The following SCLT1 variants were observed in gnomAD, a reference collection of about 807,000 sequenced individuals.
SCLT1 encodes sodium channel and clathrin linker 1.
A neutral mutation model predicts 112.8 loss-of-function variants in SCLT1; 78 were observed. The ratio of observed to expected loss-of-function variants is 0.69; its 90% CI spans 0.58 to 0.83. The LOEUF is 0.83. SCLT1 is among the 40% of genes least tolerant of loss of function. The pLI is 0.00. For synonymous variants in SCLT1, 257 were observed against 254.7 expected (o/e 1.01, Z -0.09); for missense variants, 747 against 770.4 (o/e 0.97, Z 0.36).
At chr4:128,913,265 A>G (rs181457807) in intron 18 of SCLT1, among the ~76,000 whole-genome samples, 13 of 152,354 alleles carry the variant, frequency 8.5e-5, no homozygotes, top group Non-Finnish European at 1.6e-4. Context: ...ACAAATGAAG[A>G]GTTTGTTCTT....
chr4:129,084,830 TG>T (rs1205106251), intron 1 of SCLT1, among the ~76,000 whole-genome samples: 1 of 152,202 alleles, frequency 6.6e-6, no homozygotes, highest in African/African-American at 2.4e-5. Context: ...GAAAAAAGAC[TG>T]AAACTGGACT....
intron 18 of SCLT1, among the ~76,000 whole-genome samples, chr4:128,909,109 CTT>C (rs1461691037): frequency 2.6e-5 from 4 of 152,230 alleles, no homozygotes; most frequent in African/African-American, 7.2e-5. Flanking sequence ...TAGCTGTTCT[CTT>C]TGCTTAAAAT....
downstream of SCLT1, among the ~76,000 whole-genome samples, chr4:128,882,917 C>A (rs185867036): frequency 6.6e-6 from 1 of 151,974 alleles, no homozygotes; most frequent in South Asian, 2.1e-4. Context: ...GAGGCCGAGG[C>A]GGGCAGATCA....
intron 18 of SCLT1, among the ~76,000 whole-genome samples, chr4:128,895,707 C>T (rs948127732): frequency 6.6e-5 from 10 of 152,250 alleles, no homozygotes; most frequent in South Asian, 2.1e-4. Context: ...GTGGGTGCAG[C>T]GCACCTAGCA....
Position 128,945,306 on chromosome 4 carries a change from T to C in SCLT1, c.1439+701A>G, listed in dbSNP as rs139569066. 1.7e-3 allele frequency among the ~76,000 whole-genome samples: 264 copies of C among 152,264 alleles called. 3 individuals carry two copies. The highest frequency in any genetic ancestry group is 0.016 in the East Asian group (84 of 5,182). On this transcript the variant is annotated intron_variant, in intron 16 of 20. Transcript: ENST00000281142. Reference sequence around the variant, plus strand: ...CCTTCATGTGTGATACGTCTCTTAGTACATACAAGATTTATGCTGGAATAA... The same window carrying C: ...CCTTCATGTGTGATACGTCTCTTAGCACATACAAGATTTATGCTGGAATAA...
intron 6 of SCLT1, among the ~76,000 whole-genome samples, chr4:129,001,005 T>C (rs1175192673): frequency 6.6e-6 from 1 of 151,936 alleles, no homozygotes; most frequent in Non-Finnish European, 1.5e-5. Context: ...GTTTTAAAAT[T>C]TGTAGATAAA....
At chr4:128,970,126 G>T (rs745388136) in intron 10 of SCLT1, among the ~76,000 whole-genome samples, 1 of 152,072 alleles carries the variant, frequency 6.6e-6, no homozygotes, top group East Asian at 1.9e-4. Context: ...ATCAATTTGC[G>T]TTTCAGTAAT....
intron 5 of SCLT1, among the ~76,000 whole-genome samples, chr4:129,030,350 C>G (rs1457575398): frequency 3.9e-5 from 6 of 152,024 alleles, no homozygotes; most frequent in African/African-American, 1.2e-4. Context: ...ATGCCCACAT[C>G]AGAAAGTGGG....
intron 18 of SCLT1, among the ~76,000 whole-genome samples, chr4:128,935,983 C>A (rs1265345063): frequency 6.6e-6 from 1 of 152,100 alleles, no homozygotes; most frequent in Non-Finnish European, 1.5e-5. Flanking sequence ...ATACTTAACA[C>A]CCCAAAGCAA....
chr4:128,923,891 T>G (rs1364716365), intron 18 of SCLT1, among the ~76,000 whole-genome samples: 1 of 151,930 alleles, frequency 6.6e-6, no homozygotes, highest in Non-Finnish European at 1.5e-5. Flanking sequence ...GGTTCACAGC[T>G]GCAAACTCCC....
At chr4:129,088,390 T>C (rs1752573264) in intron 1 of SCLT1, among the ~76,000 whole-genome samples, 1 of 152,136 alleles carries the variant, frequency 6.6e-6, no homozygotes, top group Admixed American at 6.5e-5. Context: ...AGAACGTCTA[T>C]GAAAAACCTA....
intron 5 of SCLT1, among the ~76,000 whole-genome samples, chr4:129,028,981 C>A (rs1351413163): frequency 6.6e-6 from 1 of 152,168 alleles, no homozygotes; most frequent in Non-Finnish European, 1.5e-5. Flanking sequence ...AGTGAGATAC[C>A]ATCTCACACC....
At chr4:129,057,622 AG>A (rs1749551812) in intron 2 of SCLT1, among the ~76,000 whole-genome samples, 1 of 149,582 alleles carries the variant, frequency 6.7e-6, no homozygotes, top group South Asian at 2.1e-4. Flanking sequence ...TGGTCTGTTC[AG>A]GTTTTCTATT....
At chr4:128,967,321 T>C (rs1431084901) in intron 10 of SCLT1, among the ~76,000 whole-genome samples, 1 of 152,236 alleles carries the variant, frequency 6.6e-6, no homozygotes, top group Non-Finnish European at 1.5e-5. Context: ...TGAACATACA[T>C]GGACATGTGT....
chr4:129,006,734 T>A (rs1744062972), intron 5 of SCLT1, among the ~76,000 whole-genome samples: 1 of 152,134 alleles, frequency 6.6e-6, no homozygotes, highest in South Asian at 2.1e-4. Context: ...AGATGTCCAA[T>A]CTTGCGTTTC....
intron 2 of SCLT1, among the ~76,000 whole-genome samples, chr4:129,061,931 C>T (rs1750016602): frequency 6.6e-6 from 1 of 152,252 alleles, no homozygotes; most frequent in Admixed American, 6.5e-5. Flanking sequence ...GTTATGTGGA[C>T]TCTAGGTTGC....
chr4:128,959,466 T>A, intron 12 of SCLT1, 134 bp downstream of exon 12: 2 of 651,912 alleles, frequency 3.1e-6, no homozygotes, highest in Non-Finnish European at 5.3e-6. Context: ...AGAATATGGA[T>A]GATTACTAAT....
At chr4:128,938,825 C>G (rs1243271678) in intron 17 of SCLT1, among the ~76,000 whole-genome samples, 2 of 151,878 alleles carry the variant, frequency 1.3e-5, no homozygotes, top group Admixed American at 1.3e-4. Context: ...CTACTAAAAA[C>G]ACAAAAATTA....
intron 7 of SCLT1, 72 bp from the exon 8 acceptor site, chr4:128,998,011 A>T: frequency 1.5e-6 from 1 of 663,048 alleles, no homozygotes; most frequent in East Asian, 3.1e-5. Context: ...AAATTAAACT[A>T]AAATCAAGTC....
Sources: allele counts gnomAD v4.1 joint callset (sites outside exome capture counted in the v4.1 genomes callset), GRCh38; gene constraint gnomAD v4.1.1; transcripts MANE v1.5; gene names NCBI Gene and HGNC (gene_info 2026-07-23, HGNC 2026-07-21).